The following SHROOM2 variants were observed in gnomAD, a reference collection of about 807,000 sequenced individuals.
SHROOM2 encodes the protein protein Shroom2.
SHROOM2 carries 33 observed loss-of-function variants against 75.9 expected under a neutral mutation model. The observed-to-expected ratio is 0.43, with a 90% confidence interval of 0.33 to 0.58. SHROOM2 has a LOEUF of 0.58. Among genes scored for constraint, SHROOM2 ranks in the 20% least tolerant of loss-of-function variants. The pLI, the probability that SHROOM2 is intolerant of heterozygous loss-of-function variation, is 0.04. For synonymous variants in SHROOM2, 655 were observed against 663.6 expected (o/e 0.99, Z 0.20); for missense variants, 1,434 against 1,461.2 (o/e 0.98, Z 0.30).
At chrX:9,865,709 C>T (rs1180308859) in intron 1 of SHROOM2, among the ~76,000 whole-genome samples, 10 of 108,804 alleles carry the variant, frequency 9.2e-5, no homozygotes, top group South Asian at 4.0e-4. Flanking sequence ...TACAGGTGCC[C>T]GCCACCACAC....
chrX:9,907,598 G>A (rs1216534254), intron 5 of SHROOM2, among the ~76,000 whole-genome samples: 1 of 111,450 alleles, frequency 9.0e-6, no homozygotes, highest in Non-Finnish European at 1.9e-5. Flanking sequence ...GTTCCTGGGG[G>A]AGCAGAGCAA....
chrX:9,933,027 G>A (rs773011068), intron 6 of SHROOM2, among the ~76,000 whole-genome samples, 157 bp downstream of exon 6: 23 of 111,630 alleles, frequency 2.1e-4, no homozygotes, highest in Non-Finnish European at 4.1e-4. Context: ...GACAGAAAGT[G>A]AAGCTTCAGT....
intron 5 of SHROOM2, among the ~76,000 whole-genome samples, chrX:9,910,964 G>A (rs2084421275): frequency 9.0e-6 from 1 of 110,949 alleles, no homozygotes; most frequent in Non-Finnish European, 1.9e-5. Context: ...GGTTATAGGC[G>A]TGAACCACCA....
At chrX:9,920,197 C>T (rs2084532807) in intron 5 of SHROOM2, among the ~76,000 whole-genome samples, 1 of 111,870 alleles carries the variant, frequency 8.9e-6, no homozygotes, top group Admixed American at 9.5e-5. Flanking sequence ...TCTCAACTCA[C>T]CACAACTCAT....
chrX:9,820,519 G>A (rs185021528), intron 1 of SHROOM2, among the ~76,000 whole-genome samples: 3 of 111,139 alleles, frequency 2.7e-5, no homozygotes, highest in East Asian at 2.8e-4. Context: ...GTGCACCACC[G>A]TGCCCTGCTA....
Position 9,828,432 on chromosome X carries a change from A to G in SHROOM2, c.165+41722A>G, listed in dbSNP as rs182571132. On this transcript the variant is annotated intron_variant, in intron 1 of 9. Transcript: ENST00000380913. ...ATAGACTTTCTCTTATCCATTCCTC[A>G]TATGTGTTCCAGGGAAGAAGTTATT... Among the ~76,000 whole-genome samples the G allele has an allele frequency of 3.2e-4, 36 of 111,530 alleles. No homozygotes were observed. In the East Asian group the frequency reaches 9.3e-3, roughly 29 times the overall value.
intron 1 of SHROOM2, among the ~76,000 whole-genome samples, chrX:9,809,069 C>A (rs2083776370): frequency 9.3e-6 from 1 of 107,060 alleles, no homozygotes; most frequent in Admixed American, 1.0e-4. Context: ...CCAAATCCCA[C>A]CCCCACACTG....
chrX:9,895,255 T>C lies in SHROOM2; in HGVS notation c.1347T>C (p.Ala449=), dbSNP rs770302665. 7.6e-5 allele frequency: 90 copies of C among 1,186,967 alleles called. No homozygotes were observed. The highest frequency in any genetic ancestry group is 9.9e-5 in the Non-Finnish European group (87 of 882,926). Residue 449 remains alanine (A), a synonymous_variant, in exon 4 of 10, where the codon GCT becomes GCC. Transcript: ENST00000380913. ...ACAGCCTTGGGCAGGAGCCAGGGGC[T>C]GCCAGCTTCCAGAACGACAGCCCTC... The part of the protein sequence containing the change: ...CADSLGQEPG[A]ASFQNDSPPQ...
chrX:9,848,510 C>CAAA (rs774991614), intron 1 of SHROOM2, among the ~76,000 whole-genome samples: 1 of 22,020 alleles, frequency 4.5e-5, no homozygotes, highest in Non-Finnish European at 8.6e-5. Context: ...GACTCCGTCT[C>CAAA]AAAAAAAAAA....
At chrX:9,884,152 G>T (rs1380949478) in intron 2 of SHROOM2, among the ~76,000 whole-genome samples, 1 of 110,815 alleles carries the variant, frequency 9.0e-6, no homozygotes, top group African/African-American at 3.3e-5. Context: ...CAGGCAGGGG[G>T]ACCAGGTGGG....
Position 9,894,860 on chromosome X carries a change from C to T in SHROOM2, c.952C>T (p.Pro318Ser). ...KKAPSSPPPP[P>S]PPLRSDSFAA... ...AGCACCATCATCCCCACCTCCTCCC[C>T]CTCCCCCTCTCCGCAGTGACAGCTT... Residue 318 changes from proline (P) to serine (S), a missense_variant, in exon 4 of 10, where the codon CCT becomes TCT. Transcript: ENST00000380913. The T allele has an allele frequency of 1.7e-6, 2 of 1,211,550 alleles. No homozygotes were observed. The highest frequency in any genetic ancestry group is 1.7e-5 in the African/African-American group (1 of 57,984).
intron 2 of SHROOM2, among the ~76,000 whole-genome samples, chrX:9,879,362 G>A (rs2084219109): frequency 8.9e-6 from 1 of 112,157 alleles, no homozygotes; most frequent in Non-Finnish European, 1.9e-5. Context: ...CCGGGTTCAA[G>A]CGATTCTCGT....
chrX:9,866,084 A>ATAT (rs2084136245), intron 1 of SHROOM2, among the ~76,000 whole-genome samples: 1 of 78,761 alleles, frequency 1.3e-5, no homozygotes, highest in African/African-American at 5.2e-5. Flanking sequence ...GGGGCCAGGA[A>ATAT]TTTTTTTTTT....
chrX:9,822,985 A>ATTCTTC (rs1193729528), intron 1 of SHROOM2, among the ~76,000 whole-genome samples: 38 of 88,238 alleles, frequency 4.3e-4, no homozygotes, highest in African/African-American at 1.6e-3. Flanking sequence ...AAGAATAATA[A>ATTCTTC]TTCTTCTTCT....
chrX:9,848,706 G>A (rs1156523170), intron 1 of SHROOM2, among the ~76,000 whole-genome samples: 1 of 110,041 alleles, frequency 9.1e-6, no homozygotes, highest in Non-Finnish European at 1.9e-5. Flanking sequence ...TCTCTGGGAC[G>A]AATAAAGTGT....
chrX:9,895,353 A>C lies in SHROOM2; in HGVS notation c.1445A>C (p.Gln482Pro), dbSNP rs1601973624. The change falls in exon 4 of 10, where the codon CAG becomes CCG. Residue 482 changes from glutamine to proline, a missense_variant. Gln to Pro is a moderately conservative substitution (Grantham distance 76, BLOSUM62 -1). Around this residue, in one of 3 missense-constraint regions of SHROOM2, gnomAD observed 1,340 missense variants for 1,338.3 expected, o/e 1.00. Transcript: ENST00000380913. ...SGWQGPRPCVQGDLQAAQLWA... is the reference protein window; with the variant it reads ...SGWQGPRPCVPGDLQAAQLWA... The stretch of plus-strand genomic sequence containing the variant: ...TGGCAGGGTCCCCGGCCCTGTGTGC[A>C]GGGAGACCTGCAAGCAGCACAGCTC... 5 of 1,183,866 alleles carry C rather than the reference A, an allele frequency of 4.2e-6. No individual in the cohort carries two copies. In the East Asian group the frequency reaches 1.2e-4, roughly 28 times the overall value.
At chrX:9,833,723 A>G (rs2083929006) in intron 1 of SHROOM2, among the ~76,000 whole-genome samples, 1 of 110,231 alleles carries the variant, frequency 9.1e-6, no homozygotes, top group South Asian at 3.9e-4. Context: ...AAGTGACAGA[A>G]ATACAGCCTA....
chrX:9,792,062 A>G (rs1476962586), intron 1 of SHROOM2, among the ~76,000 whole-genome samples: 2 of 4,207 alleles, frequency 4.8e-4, no homozygotes, highest in African/African-American at 1.4e-3. Context: ...AATAGAATAG[A>G]ATAGAATAGA....
At chrX:9,801,846 C>T (rs1281807518) in intron 1 of SHROOM2, among the ~76,000 whole-genome samples, 1 of 110,411 alleles carries the variant, frequency 9.1e-6, no homozygotes, top group Non-Finnish European at 1.9e-5. Context: ...GTCCAAGCTG[C>T]TTGAGAGGCT....
Sources: gnomAD v4.1 joint callset for allele counts (sites outside exome capture counted in the v4.1 genomes callset) on GRCh38, gnomAD v4.1.1 for gene constraint, gnomAD v4.1.1 regional missense constraint, MANE v1.5 for transcripts, NCBI Gene and HGNC (gene_info 2026-07-23, HGNC 2026-07-21) for gene names.